Variants in ALPK2 observed in about 807,000 individuals in gnomAD.
ALPK2 encodes alpha kinase 2, also known as alpha-protein kinase 2.
Under a neutral mutation model 163.1 loss-of-function variants are expected in ALPK2, and 127 were observed. The ratio of observed to expected loss-of-function variants is 0.78; its 90% CI spans 0.67 to 0.90. The LOEUF is 0.90. Ranked by LOEUF, ALPK2 falls within the 40% of genes least tolerant of loss-of-function variation. The pLI is 0.00. For synonymous variants in ALPK2, 953 were observed against 959.1 expected (o/e 0.99, Z 0.12); for missense variants, 2,360 against 2,589.6 (o/e 0.91, Z 1.92).
rs768104483 is a variant in ALPK2, at chr18:58,611,770, G to A, written c.28C>T (p.Pro10Ser). The change falls in exon 2 of 13, where the codon CCC (proline) becomes TCC (serine). Residue 10 changes from proline to serine, a missense_variant. Physicochemically the swap from Pro to Ser is moderately conservative, Grantham distance 74. Coordinates refer to ENST00000361673, the MANE Select transcript of ALPK2 (RefSeq NM_052947.4). ...AATGTAGATAAAAAACACAGCGGGG[G>A]CCTCTGGGGCCCTTCGGAGTCTTTC... MKDSEGPQR[P>S]PLCFLSTLLS... is the part of the protein sequence containing the mutation. 9 of 1,605,360 alleles carry A rather than the reference G, an allele frequency of 5.6e-6. No homozygotes were observed. The African/African-American group carries it at 9.4e-5, about 17-fold the overall frequency.
intron 4 of ALPK2, among the ~76,000 whole-genome samples, chr18:58,538,834 G>A (rs1194208228): frequency 6.6e-6 from 1 of 152,058 alleles, no homozygotes; most frequent in African/African-American, 2.4e-5. Context: ...GGGGTGGGGG[G>A]AATGAGTGAG....
At chr18:58,615,887 A>G (rs1264491676) in intron 1 of ALPK2, among the ~76,000 whole-genome samples, 2 of 152,218 alleles carry the variant, frequency 1.3e-5, no homozygotes, top group East Asian at 3.8e-4. Context: ...AAATACTGAC[A>G]AACACACACT....
At chr18:58,575,360 T>C (rs1009394758) in intron 4 of ALPK2, among the ~76,000 whole-genome samples, 1 of 152,186 alleles carries the variant, frequency 6.6e-6, no homozygotes, top group African/African-American at 2.4e-5. Context: ...GCGAACAGAA[T>C]ACACTGAACA....
intron 12 of ALPK2, among the ~76,000 whole-genome samples, chr18:58,486,643 A>C (rs956650459): frequency 6.6e-6 from 1 of 152,190 alleles, no homozygotes; most frequent in South Asian, 2.1e-4. Flanking sequence ...ACAGTGTTGA[A>C]CTTCCCTTTC....
chr18:58,552,651 G>A (rs140582951), intron 4 of ALPK2, among the ~76,000 whole-genome samples: 1,911 of 152,240 alleles, frequency 0.013, 31 homozygotes, highest in African/African-American at 0.035. Flanking sequence ...GGAAAACATC[G>A]CCAGACAAAG....
intron 1 of ALPK2, among the ~76,000 whole-genome samples, chr18:58,612,133 T>TG (rs148110400): frequency 2.1e-3 from 326 of 152,108 alleles, no homozygotes; most frequent in African/African-American, 7.0e-3. Flanking sequence ...TGCAGGGGAA[T>TG]GGGGGGGTGC....
At chr18:58,570,324 G>A (rs138656444) in intron 4 of ALPK2, among the ~76,000 whole-genome samples, 375 of 152,284 alleles carry the variant, frequency 2.5e-3, no homozygotes, top group African/African-American at 8.4e-3. Flanking sequence ...TAGATCAGCT[G>A]CCTTGTATTT....
At chr18:58,497,974 G>T (rs2051409603) in intron 12 of ALPK2, 75 bp downstream of exon 12, 2 of 1,384,272 alleles carry the variant, frequency 1.4e-6, no homozygotes, top group Admixed American at 3.4e-5. Context: ...GCCCACCTCA[G>T]CCTGACAGTG....
chr18:58,504,230 G>A (rs2051450049), intron 10 of ALPK2, 82 bp from the exon 11 acceptor site: 1 of 1,148,480 alleles, frequency 8.7e-7, no homozygotes, highest in Admixed American at 2.1e-5. Context: ...CTCTCCTGGA[G>A]CAGCACGGAG....
At chr18:58,616,290 T>G (rs561960663) in intron 1 of ALPK2, among the ~76,000 whole-genome samples, 1 of 152,332 alleles carries the variant, frequency 6.6e-6, no homozygotes, top group African/African-American at 2.4e-5. Flanking sequence ...TTGGGGCACT[T>G]TTGGCCTTGG....
intron 1 of ALPK2, among the ~76,000 whole-genome samples, chr18:58,612,742 G>A (rs143262224): frequency 5.3e-5 from 8 of 152,332 alleles, no homozygotes; most frequent in African/African-American, 1.7e-4. Flanking sequence ...TCCTTTCCAC[G>A]CTACCGCTAC....
intron 4 of ALPK2, among the ~76,000 whole-genome samples, chr18:58,567,611 T>C (rs545899742): frequency 6.6e-6 from 1 of 152,300 alleles, no homozygotes; most frequent in South Asian, 2.1e-4. Flanking sequence ...GAGTTAGCTC[T>C]GTGAGATCGG....
At chr18:58,570,039 A>C (rs1311540927) in intron 4 of ALPK2, among the ~76,000 whole-genome samples, 1 of 151,458 alleles carries the variant, frequency 6.6e-6, no homozygotes, top group Non-Finnish European at 1.5e-5. Context: ...CCGAGGCAGG[A>C]GAATTGCTTG....
At chr18:58,614,588 G>A (rs1360460601) in intron 1 of ALPK2, among the ~76,000 whole-genome samples, 1 of 152,180 alleles carries the variant, frequency 6.6e-6, no homozygotes, top group Non-Finnish European at 1.5e-5. Context: ...TTACGGAATG[G>A]ATATCAATTG....
intron 10 of ALPK2, among the ~76,000 whole-genome samples, chr18:58,510,130 A>G (rs1183527213): frequency 6.6e-6 from 1 of 152,208 alleles, no homozygotes; most frequent in Non-Finnish European, 1.5e-5. Context: ...AGCACCATTT[A>G]TTAAATAGGG....
intron 4 of ALPK2, among the ~76,000 whole-genome samples, chr18:58,555,111 G>C (rs2051783144): frequency 6.6e-6 from 1 of 152,194 alleles, no homozygotes; most frequent in South Asian, 2.1e-4. Flanking sequence ...CAGCTCAACA[G>C]GCATATGGCA....
chr18:58,552,548 T>G (rs951044893), intron 4 of ALPK2, among the ~76,000 whole-genome samples: 1 of 152,202 alleles, frequency 6.6e-6, no homozygotes, highest in Non-Finnish European at 1.5e-5. Flanking sequence ...AATCAATATA[T>G]TTGCTGCTGA....
At chr18:58,592,429 G>A (rs1299695073) in intron 3 of ALPK2, among the ~76,000 whole-genome samples, 1 of 152,250 alleles carries the variant, frequency 6.6e-6, no homozygotes, top group African/African-American at 2.4e-5. Flanking sequence ...CAGAACTCGA[G>A]CCCCGCAGGG....
chr18:58,559,638 G>A (rs1173285768), intron 4 of ALPK2, among the ~76,000 whole-genome samples: 2 of 152,152 alleles, frequency 1.3e-5, no homozygotes, highest in African/African-American at 4.8e-5. Flanking sequence ...TCTGACTCAG[G>A]CCTGACCTTC....
Sources: allele counts gnomAD v4.1 joint callset (sites outside exome capture counted in the v4.1 genomes callset), GRCh38; gene constraint gnomAD v4.1.1; transcripts MANE v1.5; gene names NCBI Gene and HGNC (gene_info 2026-07-23, HGNC 2026-07-21).